The following PPFIA2 variants were observed in gnomAD, a reference collection of about 807,000 sequenced individuals.
PPFIA2 encodes the protein PPFI scaffold protein A2.
PPFIA2 carries 46 observed loss-of-function variants against 175.5 expected under a neutral mutation model. The ratio of observed to expected loss-of-function variants is 0.26; its 90% CI spans 0.21 to 0.34. The LOEUF (loss-of-function observed/expected upper bound fraction) is 0.34. Among genes scored for constraint, PPFIA2 ranks in the 10% least tolerant of loss-of-function variants. PPFIA2 has a pLI of 1.00. For missense variants in PPFIA2, 1,179 were observed against 1,506.1 expected (o/e 0.78, Z 3.60); for synonymous variants, 568 against 511.4 (o/e 1.11, Z -1.49).
At chr12:81,414,187 T>A (rs1378516672) in intron 7 of PPFIA2, among the ~76,000 whole-genome samples, 1 of 151,812 alleles carries the variant, frequency 6.6e-6, no homozygotes, top group Non-Finnish European at 1.5e-5. Flanking sequence ...AAAAATATTA[T>A]GCTGTAATGC....
intron 28 of PPFIA2, among the ~76,000 whole-genome samples, chr12:81,276,682 A>AT (rs973582962): frequency 2.0e-5 from 3 of 152,052 alleles, no homozygotes; most frequent in African/African-American, 4.8e-5. Flanking sequence ...TAAATATAGT[A>AT]TTTTTTCTAA....
intron 28 of PPFIA2, among the ~76,000 whole-genome samples, chr12:81,271,123 GTAGT>G (rs768972859): frequency 3.6e-4 from 55 of 152,264 alleles, no homozygotes; most frequent in Non-Finnish European, 6.8e-4. Flanking sequence ...TTAAATTGAA[GTAGT>G]TAGTTCTTGC....
chr12:81,611,101 C>T lies in PPFIA2; in HGVS notation c.303+65690G>A, dbSNP rs190151509. Among the ~76,000 whole-genome samples, 1,002 of 152,070 alleles carry T rather than the reference C, an allele frequency of 6.6e-3. 9 individuals are homozygous for T. Among genetic ancestry groups the T allele is most frequent in the African/African-American group, 0.023 (936 of 41,482 alleles). On this transcript the variant is annotated intron_variant, in intron 4 of 32. Transcript: ENST00000549396. ...TGACTCTTCTACTTCCTAGCATTCG[C>T]GGGGAGGAATAAAGATGGCTCGCTC...
intron 4 of PPFIA2, among the ~76,000 whole-genome samples, chr12:81,636,969 T>C (rs1471346715): frequency 1.3e-5 from 2 of 152,126 alleles, no homozygotes; most frequent in African/African-American, 4.8e-5. Context: ...AAACTACCTT[T>C]GTTCCATTTT....
At chr12:81,645,910 A>G (rs2065994082) in intron 4 of PPFIA2, among the ~76,000 whole-genome samples, 1 of 152,240 alleles carries the variant, frequency 6.6e-6, no homozygotes, top group Non-Finnish European at 1.5e-5. Flanking sequence ...AAAAGAGAAC[A>G]AGACAATCTG....
At chr12:81,393,308 AT>A (rs2040496189) in intron 8 of PPFIA2, among the ~76,000 whole-genome samples, 1 of 152,002 alleles carries the variant, frequency 6.6e-6, no homozygotes, top group Non-Finnish European at 1.5e-5. Context: ...TATTGAGTTT[AT>A]TTTTTTCTTT....
chr12:81,528,288 G>C (rs537197153), intron 4 of PPFIA2, among the ~76,000 whole-genome samples: 1 of 152,084 alleles, frequency 6.6e-6, no homozygotes, highest in African/African-American at 2.4e-5. Context: ...ATAGTGATAT[G>C]GGTAACAAGA....
chr12:81,356,599 G>T (rs773517748), intron 16 of PPFIA2, among the ~76,000 whole-genome samples: 3 of 151,978 alleles, frequency 2.0e-5, no homozygotes, highest in Non-Finnish European at 4.4e-5. Context: ...GGAATTCAAG[G>T]CTGCAATGAG....
intron 9 of PPFIA2, among the ~76,000 whole-genome samples, 153 bp from the exon 10 acceptor site, chr12:81,376,095 G>C (rs969989754): frequency 1.3e-5 from 2 of 152,158 alleles, no homozygotes; most frequent in Non-Finnish European, 2.9e-5. Context: ...TGAGATTGCA[G>C]GTGCATGTTC....
chr12:81,445,693 C>A lies in PPFIA2; in HGVS notation c.433G>T (p.Val145Leu). 6.2e-7 allele frequency: 1 copy of A among 1,613,726 alleles called. No individual in the cohort carries two copies. Residue 145 changes from valine to leucine, a missense_variant, in exon 6 of 33, where the codon GTG becomes TTG. Physicochemically the swap from Val to Leu is conservative, Grantham distance 32. Coordinates refer to ENST00000549396, the MANE Select transcript of PPFIA2 (RefSeq NM_003625.5). ...CTTAGTGATCTTTCATGTCGTGACA[C>A]AAGGCACTCCAAATGCTCCAGTAAT... ...RLLLEHLECLVSRHERSLRMT... is the reference protein window; with the variant it reads ...RLLLEHLECLLSRHERSLRMT...
chr12:81,297,972 GA>G (rs1168508195), intron 23 of PPFIA2: 2 of 152,142 alleles, frequency 1.3e-5, no homozygotes, highest in African/African-American at 4.8e-5. Flanking sequence ...TGTGTACTCA[GA>G]ATAGGTTTAA....
chr12:81,711,766 A>C (rs1428415175), intron 3 of PPFIA2, among the ~76,000 whole-genome samples: 1 of 150,538 alleles, frequency 6.6e-6, no homozygotes, highest in Non-Finnish European at 1.5e-5. Flanking sequence ...CTCTTTTGGG[A>C]TGGGCTATAC....
At chr12:81,301,278 C>T (rs547509853) in intron 22 of PPFIA2, among the ~76,000 whole-genome samples, 123 of 151,940 alleles carry the variant, frequency 8.1e-4, no homozygotes, top group African/African-American at 2.8e-3. Flanking sequence ...ATGTTACATC[C>T]AATAGGGAAA....
intron 7 of PPFIA2, among the ~76,000 whole-genome samples, chr12:81,410,664 T>A (rs2043773634): frequency 6.6e-6 from 1 of 152,062 alleles, no homozygotes; most frequent in Admixed American, 6.6e-5. Flanking sequence ...CACTGGAGAC[T>A]TTTCCTTTCT....
In PPFIA2 at chr12:81,428,699, T is replaced by TA. The variant is rs201322141; in HGVS notation, c.645+11272dup. ...AACTTTTAGTTTACCAATCTAAAAT[T>TA]AAAAAAAAATCCATTGTTCAACCAT... On this transcript the variant is annotated intron_variant, in intron 7 of 32. Transcript: ENST00000549396. 4.3e-3 allele frequency among the ~76,000 whole-genome samples: 655 copies of TA among 151,480 alleles called. 4 individuals are homozygous for TA. The highest frequency in any genetic ancestry group is 0.014 in the African/African-American group (561 of 41,346).
intron 4 of PPFIA2, among the ~76,000 whole-genome samples, chr12:81,459,717 C>T (rs58888818): frequency 0.03 from 4,626 of 152,202 alleles, 228 homozygotes; most frequent in African/African-American, 0.1. Flanking sequence ...GAAAGCTCGG[C>T]CTTTTTTATT....
chr12:81,277,544 G>C (rs2040852385), intron 27 of PPFIA2, 130 bp from the exon 28 acceptor site: 1 of 954,262 alleles, frequency 1.0e-6, no homozygotes, highest in Middle Eastern at 3.6e-4. Flanking sequence ...TACATTTGCA[G>C]CCAAATCCTT....
At chr12:81,417,964 A>G (rs1219499481) in intron 7 of PPFIA2, among the ~76,000 whole-genome samples, 1 of 151,834 alleles carries the variant, frequency 6.6e-6, no homozygotes, top group Admixed American at 6.6e-5. Flanking sequence ...AAAGACCACA[A>G]TGACATTACC....
chr12:81,734,858 T>C (rs2081368838), intron 3 of PPFIA2, among the ~76,000 whole-genome samples: 1 of 151,832 alleles, frequency 6.6e-6, no homozygotes, highest in Non-Finnish European at 1.5e-5. Flanking sequence ...AGGCAAACTT[T>C]AATCTCCTTT....
Sources: gnomAD v4.1 joint callset for allele counts (sites outside exome capture counted in the v4.1 genomes callset) on GRCh38, gnomAD v4.1.1 for gene constraint, MANE v1.5 for transcripts, NCBI Gene and HGNC (gene_info 2026-07-23, HGNC 2026-07-21) for gene names.